NSMCE1: variants seen among roughly 807,000 people sequenced by gnomAD.
NSMCE1 encodes non-structural maintenance of chromosomes element 1 homolog.
In NSMCE1, 18 loss-of-function variants were observed where a neutral mutation model predicts 29.6. The observed-to-expected ratio is 0.61, with a 90% confidence interval of 0.42 to 0.90. The LOEUF is 0.90. Ranked by LOEUF, NSMCE1 falls within the 40% of genes least tolerant of loss-of-function variation. NSMCE1 has a pLI of 0.00. For missense variants in NSMCE1, 314 were observed against 343.6 expected, an observed-to-expected ratio of 0.91 and a Z score of 0.68; for synonymous variants, 124 against 133.4, an observed-to-expected ratio of 0.93 and a Z score of 0.49.
At chr16:27,230,949 A>C (rs755769999) in intron 5 of NSMCE1, 3 of 152,526 alleles carry the variant, frequency 2.0e-5, no homozygotes, top group Non-Finnish European at 2.9e-5. Context: ...CCAGACACCA[A>C]GGGCAGACAA....
At chr16:27,244,598 C>T (rs2083932895) in intron 2 of NSMCE1, among the ~76,000 whole-genome samples, 1 of 152,212 alleles carries the variant, frequency 6.6e-6, no homozygotes, top group Non-Finnish European at 1.5e-5. Context: ...AAGCGTCTCC[C>T]GCATATCTCT....
Position 27,234,276 on chromosome 16 carries a change from A to C in NSMCE1, c.259-11T>G, listed in dbSNP as rs568713184. ...TGTAGCAAGATTCACCTAAGAAATA[A>C]GTCAGCACGACAGTCAGGCTGTGCT... is the stretch of plus-strand genomic sequence containing the variant. On this transcript the variant is annotated splice_polypyrimidine_tract_variant and intron_variant, in intron 3 of 7. Transcript: ENST00000361439. The C allele has an allele frequency of 1.9e-5, 30 of 1,593,138 alleles. No homozygotes were observed. The African/African-American group carries it at 3.6e-4, about 19-fold the overall frequency.
intron 1 of NSMCE1, chr16:27,268,062 C>G (rs1326215702): frequency 6.6e-6 from 1 of 152,074 alleles, no homozygotes; most frequent in Non-Finnish European, 1.5e-5. Flanking sequence ...ATATGCGTAT[C>G]TTCATAACTT....
At chr16:27,225,639 G>A in intron 7 of NSMCE1, 87 bp downstream of exon 7, 2 of 1,530,704 alleles carry the variant, frequency 1.3e-6, no homozygotes, top group South Asian at 2.3e-5. Context: ...GAGCCCTTCA[G>A]GGCCCTGTCT....
chr16:27,227,065 G>T (rs927317535), intron 5 of NSMCE1, among the ~76,000 whole-genome samples: 2 of 152,204 alleles, frequency 1.3e-5, no homozygotes, highest in South Asian at 4.1e-4. Context: ...CCTGACACCC[G>T]CCTTTTCTCA....
chr16:27,226,893 CCT>C (rs1159100764), intron 5 of NSMCE1, 57 bp from the exon 6 acceptor site: 1 of 1,025,840 alleles, frequency 9.7e-7, no homozygotes, highest in African/African-American at 1.5e-5. Flanking sequence ...CCATTCACCA[CCT>C]CTCTTCCCTC....
At chr16:27,233,943 C>A in intron 4 of NSMCE1, 1 of 500,864 alleles carries the variant, frequency 2.0e-6, no homozygotes, top group South Asian at 2.7e-5. Flanking sequence ...TGCTCTTGCC[C>A]ATCCAGTTGG....
At chr16:27,237,794 C>G (rs954984442) in intron 2 of NSMCE1, among the ~76,000 whole-genome samples, 1 of 152,214 alleles carries the variant, frequency 6.6e-6, no homozygotes, top group Non-Finnish European at 1.5e-5. Context: ...TGCCCTTCCC[C>G]TCTCCACACC....
chr16:27,241,692 C>G (rs1050397470), intron 2 of NSMCE1: 1 of 256,098 alleles, frequency 3.9e-6, no homozygotes, highest in Admixed American at 4.4e-5. Context: ...CTGGGAAGAG[C>G]CGGGTGGAAG....
intron 2 of NSMCE1, among the ~76,000 whole-genome samples, chr16:27,253,476 C>G (rs2084055124): frequency 6.6e-6 from 1 of 152,220 alleles, no homozygotes; most frequent in Admixed American, 6.5e-5. Context: ...CTGGCCTTGA[C>G]TGACGAATGT....
intron 1 of NSMCE1, among the ~76,000 whole-genome samples, chr16:27,259,075 A>C (rs1243913420): frequency 1.3e-5 from 2 of 152,000 alleles, no homozygotes; most frequent in East Asian, 3.9e-4. Flanking sequence ...AGCATCCTCA[A>C]CTGGACCTCA....
chr16:27,227,239 T>C (rs1052064039), intron 5 of NSMCE1, among the ~76,000 whole-genome samples: 6 of 152,048 alleles, frequency 3.9e-5, no homozygotes, highest in Admixed American at 1.3e-4. Flanking sequence ...CCCATCCCAC[T>C]CCCAAAAAGC....
At chr16:27,249,483 T>A (rs1004833186) in intron 2 of NSMCE1, among the ~76,000 whole-genome samples, 2 of 152,260 alleles carry the variant, frequency 1.3e-5, no homozygotes, top group African/African-American at 4.8e-5. Context: ...GCAGTTCATT[T>A]TTTGATTATG....
At chr16:27,260,701 A>C (rs917640511) in intron 1 of NSMCE1, among the ~76,000 whole-genome samples, 1 of 152,042 alleles carries the variant, frequency 6.6e-6, no homozygotes, top group Admixed American at 6.5e-5. Flanking sequence ...TCCACAAAAA[A>C]CACAAAAATT....
intron 3 of NSMCE1, among the ~76,000 whole-genome samples, chr16:27,234,925 G>T (rs1159825315): frequency 6.6e-6 from 1 of 152,236 alleles, no homozygotes; most frequent in Non-Finnish European, 1.5e-5. Context: ...GAGTAAATCT[G>T]AAAACCACTG....
intron 2 of NSMCE1, among the ~76,000 whole-genome samples, chr16:27,250,843 G>T (rs867535302): frequency 3.7e-4 from 46 of 122,834 alleles, no homozygotes; most frequent in Non-Finnish European, 5.9e-4. Context: ...AATTTTAACT[G>T]TTTTTTTTTT....
intron 2 of NSMCE1, among the ~76,000 whole-genome samples, chr16:27,246,027 G>A (rs1254975664): frequency 6.6e-6 from 1 of 152,204 alleles, no homozygotes; most frequent in Non-Finnish European, 1.5e-5. Flanking sequence ...GCCTGATGAT[G>A]TACAGGAGTC....
chr16:27,248,438 G>T (rs551196434), intron 2 of NSMCE1, among the ~76,000 whole-genome samples: 1 of 127,226 alleles, frequency 7.9e-6, no homozygotes, highest in East Asian at 2.5e-4. Flanking sequence ...TTGAGACAGA[G>T]TGTTGCTCTC....
chr16:27,247,442 T>A lies in NSMCE1; in HGVS notation c.136+9993A>T, dbSNP rs185421139. 1.9e-3 allele frequency among the ~76,000 whole-genome samples: 282 copies of A among 152,284 alleles called. 1 individual carries two copies. The highest frequency in any genetic ancestry group is 0.01 in the Middle Eastern group (3 of 294). On this transcript the variant is annotated intron_variant, in intron 2 of 7. Transcript: ENST00000361439. ...GAGTCAATTAAACTTCTTCCCTTTA[T>A]AAATTACCCAGTTTTGGGTATGTCT...
Sources: gnomAD v4.1 joint callset for allele counts (sites outside exome capture counted in the v4.1 genomes callset) on GRCh38, gnomAD v4.1.1 for gene constraint, MANE v1.5 for transcripts, NCBI Gene and HGNC (gene_info 2026-07-23, HGNC 2026-07-21) for gene names.